Variants in RALGAPA2 observed in about 807,000 individuals in gnomAD.
RALGAPA2 encodes Ral GTPase activating protein catalytic subunit alpha 2.
In RALGAPA2, 139 loss-of-function variants were observed where a neutral mutation model predicts 230.4. That is an observed-to-expected ratio of 0.60 (90% CI 0.53 to 0.69). The LOEUF is 0.69. RALGAPA2 is among the 30% of genes least tolerant of loss of function. The pLI is 0.00. For missense variants in RALGAPA2, 2,163 were observed against 2,276.0 expected, an observed-to-expected ratio of 0.95 and a Z score of 1.01; for synonymous variants, 847 against 837.8, an observed-to-expected ratio of 1.01 and a Z score of -0.19.
At chr20:20,634,924 C>T (rs1365333910) in intron 9 of RALGAPA2, among the ~76,000 whole-genome samples, 13 of 152,178 alleles carry the variant, frequency 8.5e-5, no homozygotes, top group Admixed American at 5.9e-4. Flanking sequence ...GGCTTCTCTT[C>T]TAGGGGCCCC....
At position 20,571,565 on chromosome 20, in the gene RALGAPA2, T is replaced by G. The variant is rs999446491; in HGVS notation, c.3049A>C (p.Arg1017=). The G allele has an allele frequency of 2.5e-6, 4 of 1,612,048 alleles. No individual in the cohort carries two copies. Among genetic ancestry groups the G allele is most frequent in the Non-Finnish European group, 3.4e-6 (4 of 1,179,106 alleles). Residue 1017 remains arginine, a synonymous_variant, in exon 23 of 40, where the codon AGG becomes CGG. Transcript: ENST00000202677. ...EYKEGKLQAY[R]LICAMMTRRQ... ...CTGGTCATCATGGCACAGATCAGCC[T>G]GTAGGCTTGTAGTTTGCCTTCCTTA...
At position 20,522,529 on chromosome 20, in the gene RALGAPA2, T is replaced by G. The variant is rs867387439; in HGVS notation, c.3901-1429A>C. Among the ~76,000 whole-genome samples the G allele has an allele frequency of 2.6e-5, 4 of 152,318 alleles. No homozygotes were observed. In the East Asian group the frequency reaches 7.7e-4, roughly 29 times the overall value. Reference sequence around the variant, plus strand: ...AACTACTCTGCTCTGTTACACAGGATAGCGGCTATCCCTGGACATGGGTAT... The same window carrying G: ...AACTACTCTGCTCTGTTACACAGGAGAGCGGCTATCCCTGGACATGGGTAT... On this transcript the variant is annotated intron_variant, in intron 30 of 39. Coordinates refer to ENST00000202677, the MANE Select transcript of RALGAPA2 (RefSeq NM_020343.4).
intron 4 of RALGAPA2, among the ~76,000 whole-genome samples, chr20:20,651,743 C>T (rs140360799): frequency 2.6e-5 from 4 of 152,306 alleles, no homozygotes; most frequent in Admixed American, 2.6e-4. Flanking sequence ...TTCAGACATT[C>T]TAAAGTGCTA....
chr20:20,491,912 C>T (rs1173450545), intron 36 of RALGAPA2, among the ~76,000 whole-genome samples: 1 of 151,864 alleles, frequency 6.6e-6, no homozygotes, highest in Non-Finnish European at 1.5e-5. Flanking sequence ...GGGTTTTATG[C>T]GTTCACACAA....
intron 8 of RALGAPA2, among the ~76,000 whole-genome samples, chr20:20,635,950 A>G (rs911358477): frequency 5.3e-5 from 8 of 152,198 alleles, no homozygotes; most frequent in Non-Finnish European, 8.8e-5. Context: ...ATTATACCTA[A>G]TTTAATTTTA....
At chr20:20,642,748 G>A (rs1254910815) in intron 5 of RALGAPA2, among the ~76,000 whole-genome samples, 1 of 151,594 alleles carries the variant, frequency 6.6e-6, no homozygotes, top group Non-Finnish European at 1.5e-5. Flanking sequence ...AACTCACTTC[G>A]TTTTTTTTCA....
At chr20:20,509,379 G>A (rs1406293035) in intron 33 of RALGAPA2, among the ~76,000 whole-genome samples, 1 of 152,216 alleles carries the variant, frequency 6.6e-6, no homozygotes, top group Non-Finnish European at 1.5e-5. Flanking sequence ...TGGCAATGGA[G>A]CTGCAGGCTT....
intron 3 of RALGAPA2, among the ~76,000 whole-genome samples, chr20:20,668,996 C>T (rs1370868493): frequency 1.3e-5 from 2 of 152,036 alleles, no homozygotes; most frequent in Non-Finnish European, 2.9e-5. Context: ...AGGCTAATGA[C>T]AAGATAGAAA....
intron 37 of RALGAPA2, among the ~76,000 whole-genome samples, chr20:20,463,919 A>G (rs2061358272): frequency 6.6e-6 from 1 of 152,226 alleles, no homozygotes; most frequent in South Asian, 2.1e-4. Context: ...GCTTTCTAAT[A>G]GCAAAAATGT....
intron 10 of RALGAPA2, among the ~76,000 whole-genome samples, chr20:20,628,885 T>C (rs957040194): frequency 2.0e-5 from 3 of 152,114 alleles, no homozygotes; most frequent in Admixed American, 2.0e-4. Flanking sequence ...CACCTACCTT[T>C]TTCTCTTGTG....
intron 1 of RALGAPA2, among the ~76,000 whole-genome samples, chr20:20,688,853 T>TA (rs2068797441): frequency 6.6e-6 from 1 of 152,208 alleles, no homozygotes; most frequent in African/African-American, 2.4e-5. Flanking sequence ...TAAAACCTCT[T>TA]ACAATAATGG....
chr20:20,392,847 C>T lies in RALGAPA2; in HGVS notation c.*442G>A, dbSNP rs1176803122. 1 of 246,420 alleles carries T rather than the reference C, an allele frequency of 4.1e-6. No homozygotes were observed. Among genetic ancestry groups the T allele is most frequent in the East Asian group, 1.2e-4 (1 of 8,024 alleles). 15.3% of individuals were successfully genotyped at this position (246,420 alleles called of 1,614,324 possible). Reference sequence around the variant, plus strand: ...GCTTGGGTTCATAAATGAGAAGAAACAACTTGGGGTGCAGAAGCAAGCTGC... The same window carrying T: ...GCTTGGGTTCATAAATGAGAAGAAATAACTTGGGGTGCAGAAGCAAGCTGC... On this transcript the variant is annotated 3_prime_UTR_variant, in exon 40 of 40. Coordinates refer to ENST00000202677, the MANE Select transcript of RALGAPA2 (RefSeq NM_020343.4).
chr20:20,450,703 AGTG>A (rs2060968459), intron 37 of RALGAPA2, among the ~76,000 whole-genome samples: 2 of 145,246 alleles, frequency 1.4e-5, no homozygotes, highest in Non-Finnish European at 3.1e-5. Flanking sequence ...TGTCGCCAAG[AGTG>A]AGAATAATGG....
intron 16 of RALGAPA2, among the ~76,000 whole-genome samples, chr20:20,598,288 T>C (rs1851376587): frequency 6.6e-6 from 1 of 152,200 alleles, no homozygotes; most frequent in African/African-American, 2.4e-5. Flanking sequence ...TTCTAGTTTA[T>C]TCATTTTTTG....
intron 4 of RALGAPA2, among the ~76,000 whole-genome samples, chr20:20,647,609 T>C (rs553880513): frequency 6.6e-6 from 1 of 152,242 alleles, no homozygotes; most frequent in South Asian, 2.1e-4. Flanking sequence ...AAAAACTGAT[T>C]AACTGGATTT....
intron 2 of RALGAPA2, among the ~76,000 whole-genome samples, chr20:20,679,206 AC>A (rs963258617): frequency 3.4e-4 from 51 of 151,976 alleles, no homozygotes; most frequent in African/African-American, 1.0e-3. Context: ...AGCCACTCTC[AC>A]CCTCCTGCCT....
At chr20:20,633,967 C>A (rs547423862) in intron 9 of RALGAPA2, among the ~76,000 whole-genome samples, 1 of 152,230 alleles carries the variant, frequency 6.6e-6, no homozygotes, top group East Asian at 1.9e-4. Context: ...AAAGAGATTG[C>A]AGGATTGCAG....
rs763718927 is a variant in RALGAPA2, at chr20:20,571,924, C to T, written c.2924G>A (p.Ser975Asn). The change falls in exon 22 of 40, where the codon AGC (serine) becomes AAC (asparagine). Residue 975 changes from serine (S) to asparagine (N), a missense_variant. By Grantham distance (46) the Ser-to-Asn change is conservative (BLOSUM62 1). Transcript: ENST00000202677. ...AGATGGAGAAGACTGGTTATCCAGG[C>T]TTATTGCTAGATTATCCCGTATCTA... ...LAKIRDNLAISLDNQSSPSPP... is the reference protein window; with the variant it reads ...LAKIRDNLAINLDNQSSPSPP... 1 of 1,608,784 alleles carries T rather than the reference C, an allele frequency of 6.2e-7. No individual in the cohort carries two copies. The highest frequency in any genetic ancestry group is 8.5e-7 in the Non-Finnish European group (1 of 1,176,836).
chr20:20,416,941 G>A (rs1242607835), intron 37 of RALGAPA2, among the ~76,000 whole-genome samples: 2 of 152,168 alleles, frequency 1.3e-5, no homozygotes, highest in African/African-American at 4.8e-5. Flanking sequence ...TGTGTGTGCT[G>A]TAACAGTTTG....
Sources: allele counts gnomAD v4.1 joint callset (sites outside exome capture counted in the v4.1 genomes callset), GRCh38; gene constraint gnomAD v4.1.1; transcripts MANE v1.5; gene names NCBI Gene and HGNC (gene_info 2026-07-23, HGNC 2026-07-21).